VTI1A: variants seen among roughly 807,000 people sequenced by gnomAD.
The protein encoded by VTI1A is vesicle transport through interaction with t-SNAREs homolog 1A.
A neutral mutation model predicts 34.9 loss-of-function variants in VTI1A; 22 were observed. The ratio of observed to expected loss-of-function variants is 0.63; its 90% CI spans 0.45 to 0.90. The LOEUF (loss-of-function observed/expected upper bound fraction) is 0.90, where lower values mean the gene tolerates loss of function less well. Among genes scored for constraint, VTI1A ranks in the 40% least tolerant of loss-of-function variants. The pLI is 0.00. For missense variants in VTI1A, 268 were observed against 275.6 expected (o/e 0.97, Z 0.20); for synonymous variants, 87 against 97.3 (o/e 0.89, Z 0.62).
At chr10:112,853,561 A>G in the VTI1A span, among the ~76,000 whole-genome samples, 1 of 152,158 alleles carries the variant, frequency 6.6e-6, no homozygotes, top group East Asian at 1.9e-4. Context: ...AATGGACTGT[A>G]CCCACATTCC....
At chr10:112,707,690 T>TA (rs1426221843) in intron 7 of VTI1A, among the ~76,000 whole-genome samples, 7 of 152,256 alleles carry the variant, frequency 4.6e-5, no homozygotes, top group Non-Finnish European at 1.0e-4. Flanking sequence ...ATATTTTACA[T>TA]ACAAATAATT....
At chr10:112,846,410 G>T in the VTI1A span, among the ~76,000 whole-genome samples, 1 of 152,192 alleles carries the variant, frequency 6.6e-6, no homozygotes, top group Non-Finnish European at 1.5e-5. Context: ...AAAACTTTCC[G>T]TGATGATGTT....
intron 3 of VTI1A, among the ~76,000 whole-genome samples, chr10:112,508,385 C>T (rs760810636): frequency 1.3e-5 from 2 of 152,160 alleles, no homozygotes; most frequent in African/African-American, 2.4e-5. Context: ...GGATACCTCT[C>T]CACATATTTT....
At chr10:112,611,737 A>ATTTTTTTTTTTTTTTTTTTTTTTGTTT (rs3057346) in intron 5 of VTI1A, among the ~76,000 whole-genome samples, 1 of 100,856 alleles carries the variant, frequency 9.9e-6, no homozygotes, top group Non-Finnish European at 1.9e-5. Context: ...GAGAAAGGTA[A>ATTTTTTTTTTTTTTTTTTTTTTTGTTT]TTTTTTTTTT....
intron 3 of VTI1A, among the ~76,000 whole-genome samples, chr10:112,519,314 G>A (rs1849925138): frequency 6.6e-6 from 1 of 152,080 alleles, no homozygotes; most frequent in Non-Finnish European, 1.5e-5. Context: ...TTGCTTTATG[G>A]TACAGCCTTT....
chr10:112,475,052 C>A (rs943502713), intron 3 of VTI1A, among the ~76,000 whole-genome samples: 7 of 152,112 alleles, frequency 4.6e-5, no homozygotes, highest in Non-Finnish European at 8.8e-5. Context: ...ATAAAAGGTT[C>A]GTGTTCTTGA....
intron 3 of VTI1A, among the ~76,000 whole-genome samples, chr10:112,507,945 C>T (rs1466768163): frequency 1.3e-5 from 2 of 152,184 alleles, no homozygotes; most frequent in Non-Finnish European, 2.9e-5. Context: ...GAAAAAGGTT[C>T]ATGATGTTCT....
intron 3 of VTI1A, among the ~76,000 whole-genome samples, chr10:112,501,934 G>A (rs756581506): frequency 9.9e-5 from 15 of 151,158 alleles, no homozygotes; most frequent in South Asian, 2.1e-4. Flanking sequence ...TATATCCTCC[G>A]TGCTGTTTTA....
At chr10:112,747,579 C>T (rs909942292) in intron 7 of VTI1A, among the ~76,000 whole-genome samples, 11 of 152,178 alleles carry the variant, frequency 7.2e-5, no homozygotes, top group South Asian at 6.2e-4. Flanking sequence ...GGCCGATGAC[C>T]GTAATTGTTT....
In VTI1A at chr10:112,794,623, T is replaced by C. The variant is rs540902550; in HGVS notation, c.561-20667T>C. Among the ~76,000 whole-genome samples the C allele has an allele frequency of 5.9e-5, 9 of 152,272 alleles. No homozygotes were observed. The East Asian group carries it at 1.7e-3, about 29-fold the overall frequency. ...TGATCCCAACGCCTAGACACAATCA[T>C]TATTTACATTTCAATGTATATCTTT... On this transcript the variant is annotated intron_variant, in intron 7 of 7. Coordinates refer to ENST00000393077, the MANE Select transcript of VTI1A (RefSeq NM_145206.4).
At chr10:112,653,204 G>A (rs1273125839) in intron 5 of VTI1A, among the ~76,000 whole-genome samples, 1 of 152,126 alleles carries the variant, frequency 6.6e-6, no homozygotes. Context: ...TAGCTGAAGT[G>A]TTTCCATTTG....
At chr10:112,557,160 A>G (rs963407252) in intron 5 of VTI1A, among the ~76,000 whole-genome samples, 7 of 152,256 alleles carry the variant, frequency 4.6e-5, no homozygotes, top group African/African-American at 1.7e-4. Context: ...TATTCTTAAT[A>G]GCCTCTTTTA....
intron 7 of VTI1A, among the ~76,000 whole-genome samples, chr10:112,797,400 A>T (rs995287310): frequency 6.6e-6 from 1 of 152,222 alleles, no homozygotes; most frequent in South Asian, 2.1e-4. Flanking sequence ...TTCACAAAAG[A>T]GGTCCATGTC....
rs115766185 is a variant in VTI1A at position 112,750,518 on chromosome 10, G to A, written c.561-64772G>A. Among the ~76,000 whole-genome samples, 350 of 152,224 alleles carry A rather than the reference G, an allele frequency of 2.3e-3. 4 individuals carry two copies. The highest frequency in any genetic ancestry group is 8.0e-3 in the African/African-American group (332 of 41,544). ...TGAGCCACCACACCTAGCCAAGACT[G>A]ATTTTTAAATCTGTGTCTTGTGCAA... On this transcript the variant is annotated intron_variant, in intron 7 of 7. Transcript: ENST00000393077.
chr10:112,674,706 C>T (rs1847968869), intron 7 of VTI1A, among the ~76,000 whole-genome samples: 1 of 152,152 alleles, frequency 6.6e-6, no homozygotes, highest in Admixed American at 6.5e-5. Context: ...AAGGAGGCAT[C>T]ACTATCCCCC....
intron 5 of VTI1A, chr10:112,634,060 G>T (rs900396244): frequency 1.3e-5 from 2 of 152,390 alleles, no homozygotes; most frequent in African/African-American, 2.4e-5. Flanking sequence ...AGCAAGATTG[G>T]CCACTTTAAA....
At chr10:112,607,084 C>T (rs1175501493) in intron 5 of VTI1A, among the ~76,000 whole-genome samples, 5 of 151,938 alleles carry the variant, frequency 3.3e-5, no homozygotes, top group Non-Finnish European at 5.9e-5. Flanking sequence ...GTCAGGAGTT[C>T]GAGACCAGCC....
At chr10:112,840,860 A>C in the VTI1A span, among the ~76,000 whole-genome samples, 1 of 152,174 alleles carries the variant, frequency 6.6e-6, no homozygotes, top group Non-Finnish European at 1.5e-5. Context: ...CTGGGTTCAA[A>C]TCCCAACCCC....
intron 3 of VTI1A, among the ~76,000 whole-genome samples, chr10:112,469,129 A>G (rs533762333): frequency 5.3e-5 from 8 of 152,310 alleles, no homozygotes; most frequent in South Asian, 2.1e-4. Context: ...TAGGTATTCT[A>G]TCTTGTTCCA....
Sources: allele counts gnomAD v4.1 joint callset (sites outside exome capture counted in the v4.1 genomes callset), GRCh38; gene constraint gnomAD v4.1.1; transcripts MANE v1.5; gene names NCBI Gene and HGNC (gene_info 2026-07-23, HGNC 2026-07-21).